Variants in C10orf90 observed in about 807,000 individuals in gnomAD.
The protein encoded by C10orf90 is (E2-independent) E3 ubiquitin-conjugating enzyme FATS.
A neutral mutation model predicts 62.5 loss-of-function variants in C10orf90; 56 were observed. The ratio of observed to expected loss-of-function variants is 0.90; its 90% CI spans 0.72 to 1.12. The LOEUF is 1.12. Among genes scored for constraint, C10orf90 ranks in the 50% most tolerant of loss-of-function variants. C10orf90 has a pLI of 0.00. For missense variants in C10orf90, 970 were observed against 880.4 expected (o/e 1.10, Z -1.29); for synonymous variants, 386 against 340.4 (o/e 1.13, Z -1.47).
chr10:126,556,458 T>C (rs1564870166), intron 2 of C10orf90, among the ~76,000 whole-genome samples: 3 of 152,218 alleles, frequency 2.0e-5, no homozygotes, highest in Non-Finnish European at 4.4e-5. Flanking sequence ...TGAAATTATA[T>C]TACCAACAGA....
intron 2 of C10orf90, among the ~76,000 whole-genome samples, chr10:126,561,985 C>T (rs1241455938): frequency 6.6e-6 from 1 of 152,206 alleles, no homozygotes; most frequent in Non-Finnish European, 1.5e-5. Context: ...TTGGGCCTGA[C>T]ATGAAGCGTT....
chr10:126,638,616 G>A (rs1846000629), intron 2 of C10orf90, among the ~76,000 whole-genome samples: 1 of 152,118 alleles, frequency 6.6e-6, no homozygotes, highest in South Asian at 2.1e-4. Context: ...TATGACCTGT[G>A]CCTTGACATC....
chr10:126,592,231 A>G (rs536308851), intron 2 of C10orf90, among the ~76,000 whole-genome samples: 1 of 152,270 alleles, frequency 6.6e-6, no homozygotes, highest in African/African-American at 2.4e-5. Context: ...AAAGAGCCCA[A>G]ATAGCCAAGA....
At chr10:126,465,430 T>C (rs1019302213) in intron 4 of C10orf90, among the ~76,000 whole-genome samples, 2 of 150,652 alleles carry the variant, frequency 1.3e-5, no homozygotes, top group East Asian at 1.9e-4. Context: ...TATGATTATA[T>C]TGTATATAAC....
chr10:126,589,936 T>C (rs543355266), intron 2 of C10orf90, among the ~76,000 whole-genome samples: 16 of 152,234 alleles, frequency 1.1e-4, no homozygotes, highest in African/African-American at 3.6e-4. Context: ...CATTATGCTG[T>C]CTTCAAAAAA....
chr10:126,639,622 T>C (rs1297729224), intron 2 of C10orf90, among the ~76,000 whole-genome samples: 2 of 152,174 alleles, frequency 1.3e-5, no homozygotes, highest in Non-Finnish European at 2.9e-5. Context: ...TTTCCTCACA[T>C]CTGGATGAAG....
At position 126,459,060 on chromosome 10, in the gene C10orf90, G is replaced by C. The variant is rs757981077; in HGVS notation, c.2168C>G (p.Thr723Arg). 1 of 1,613,050 alleles carries C rather than the reference G, an allele frequency of 6.2e-7. No individual in the cohort carries two copies. The highest frequency in any genetic ancestry group is 1.7e-5 in the Admixed American group (1 of 59,958). ...LPIRTSKKQF[T>R]IPHPLSDNLF... ...CTTACCACTCAGAGGATGGGGAATC[G>C]TGAACTGCTTCTTGCTGGTGCGGAT... is the stretch of plus-strand genomic sequence containing the variant. Residue 723 changes from threonine to arginine, a missense_variant, in exon 7 of 10, where the codon ACG (threonine) becomes AGG (arginine). Coordinates refer to ENST00000488181, the MANE Select transcript of C10orf90 (RefSeq NM_001350921.2).
intron 4 of C10orf90, among the ~76,000 whole-genome samples, chr10:126,479,720 C>A (rs954728854): frequency 6.6e-6 from 1 of 152,158 alleles, no homozygotes; most frequent in African/African-American, 2.4e-5. Flanking sequence ...TGTGGCTGAA[C>A]TGAAGGCATT....
At chr10:126,601,575 C>T (rs1845199050) in intron 2 of C10orf90, among the ~76,000 whole-genome samples, 1 of 152,164 alleles carries the variant, frequency 6.6e-6, no homozygotes, top group Non-Finnish European at 1.5e-5. Context: ...TAGTTTCTTG[C>T]CATTTTGGTA....
In C10orf90 at chr10:126,474,033, C is replaced by A. The variant is rs181680198; in HGVS notation, c.1535-9047G>T. On this transcript the variant is annotated intron_variant, in intron 4 of 9. Coordinates refer to ENST00000488181, the MANE Select transcript of C10orf90 (RefSeq NM_001350921.2). ...GCTACTAAAAATGTGGTACACCAAC[C>A]AGTAGCATTGATCATGCCCAGGAAC... Among the ~76,000 whole-genome samples, 29 of 152,262 alleles carry A rather than the reference C, an allele frequency of 1.9e-4. No individual in the cohort carries two copies. The East Asian group carries it at 4.4e-3, about 23-fold the overall frequency.
chr10:126,530,756 C>G (rs376189889), intron 2 of C10orf90, among the ~76,000 whole-genome samples: 3 of 151,740 alleles, frequency 2.0e-5, no homozygotes, highest in African/African-American at 7.3e-5. Flanking sequence ...AGAAAACATG[C>G]CAACCCTACA....
At chr10:126,445,829 A>ATAT (rs1554886889) in intron 7 of C10orf90, among the ~76,000 whole-genome samples, 3 of 149,996 alleles carry the variant, frequency 2.0e-5, no homozygotes, top group East Asian at 2.1e-4. Context: ...ATATATATAC[A>ATAT]ATGGAATACT....
At chr10:126,638,268 C>A (rs1463258540) in intron 2 of C10orf90, among the ~76,000 whole-genome samples, 1 of 152,106 alleles carries the variant, frequency 6.6e-6, no homozygotes, top group Admixed American at 6.6e-5. Flanking sequence ...CTGGATGGGG[C>A]TGGTCATGAG....
In C10orf90 at chr10:126,670,434, G is replaced by T. The variant is rs1413280490; in HGVS notation, c.47C>A (p.Ala16Asp). The T allele has an allele frequency of 4.4e-6, 2 of 456,710 alleles. No individual in the cohort carries two copies. Among genetic ancestry groups the T allele is most frequent in the Middle Eastern group, 3.3e-4 (1 of 3,076 alleles). The allele number at this position is 456,710 out of a possible 1,614,324, so 28.3% of individuals were successfully genotyped here. Residue 16 changes from alanine to aspartate, a missense_variant, in exon 1 of 10, where the codon GCT becomes GAT. Coordinates refer to ENST00000488181, the MANE Select transcript of C10orf90 (RefSeq NM_001350921.2). ...CACGGCCGTTTCTGTGTAGCGGGCA[G>T]CATACCCCTGCGGATGAGTTTTTGT... is the stretch of plus-strand genomic sequence containing the variant. ...IPTKTHPQGY[A>D]ARYTETAVHR...
At chr10:126,430,411 A>C (rs933710062) in intron 7 of C10orf90, among the ~76,000 whole-genome samples, 1 of 152,212 alleles carries the variant, frequency 6.6e-6, no homozygotes, top group Non-Finnish European at 1.5e-5. Context: ...GATTAAGTAC[A>C]CAGTAGCTAA....
At position 126,666,904 on chromosome 10, in the gene C10orf90, C is replaced by G. The variant is rs186805538; in HGVS notation, c.240+3337G>C. ...CTGAGGCAGGAGAATCATTTGAACCCGGGAGGCGGAGGTTGCAGTGAGCCA... is the reference window on the plus strand; with the variant it reads ...CTGAGGCAGGAGAATCATTTGAACCGGGGAGGCGGAGGTTGCAGTGAGCCA... On this transcript the variant is annotated intron_variant, in intron 1 of 9. Transcript: ENST00000488181. Among the ~76,000 whole-genome samples, 8 of 150,744 alleles carry G rather than the reference C, an allele frequency of 5.3e-5. No homozygotes were observed. The East Asian group carries it at 1.0e-3, about 19-fold the overall frequency.
intron 2 of C10orf90, among the ~76,000 whole-genome samples, chr10:126,601,351 A>C (rs964783469): frequency 1.3e-5 from 2 of 152,236 alleles, no homozygotes; most frequent in East Asian, 1.9e-4. Flanking sequence ...TCTTGCCCCC[A>C]AAAAGTAACT....
At position 126,532,842 on chromosome 10, in the gene C10orf90, C is replaced by CAAAAAAAAAAAAAAAAAAAAAAAA. The variant is rs1269013268; in HGVS notation, c.314-18904_314-18903insTTTTTTTTTTTTTTTTTTTTTTTT. ...TGGGCAACAGAGCGAGACTACGTCT[C>CAAAAAAAAAAAAAAAAAAAAAAAA]AAAAAAAAAAAAAAATAGTGAGCAC... On this transcript the variant is annotated intron_variant, in intron 2 of 9. Coordinates refer to ENST00000488181, the MANE Select transcript of C10orf90 (RefSeq NM_001350921.2). Among the ~76,000 whole-genome samples the CAAAAAAAAAAAAAAAAAAAAAAAA allele has an allele frequency of 6.9e-3, 83 of 12,026 alleles. 18 individuals are homozygous for CAAAAAAAAAAAAAAAAAAAAAAAA. Among genetic ancestry groups the CAAAAAAAAAAAAAAAAAAAAAAAA allele is most frequent in the African/African-American group, 8.9e-3 (24 of 2,704 alleles). The allele number at this position is 12,026 out of a possible 152,430, so 7.9% of individuals were successfully genotyped here. A position where few individuals can be genotyped will look rare whatever the true frequency, so the allele number is the denominator to read the frequency against.
intron 2 of C10orf90, among the ~76,000 whole-genome samples, chr10:126,635,132 G>A (rs1318028304): frequency 2.0e-5 from 3 of 152,198 alleles, no homozygotes; most frequent in Admixed American, 2.0e-4. Flanking sequence ...CAAGGCATTA[G>A]TGAACGCCAC....
Sources: allele counts gnomAD v4.1 joint callset (sites outside exome capture counted in the v4.1 genomes callset), GRCh38; gene constraint gnomAD v4.1.1; transcripts MANE v1.5; gene names NCBI Gene and HGNC (gene_info 2026-07-23, HGNC 2026-07-21).